Variants in IPMK observed in about 807,000 individuals in gnomAD.
IPMK encodes the protein inositol 1,3,4,6-tetrakisphosphate 5-kinase.
Under a neutral mutation model 45.8 loss-of-function variants are expected in IPMK, and 17 were observed. The observed-to-expected ratio is 0.37, with a 90% CI of 0.25 to 0.56. The LOEUF (loss-of-function observed/expected upper bound fraction) is 0.56, where lower values mean the gene tolerates loss of function less well. IPMK is among the 20% of genes least tolerant of loss of function. The pLI is 0.79. For missense variants in IPMK, 399 were observed against 498.0 expected, an observed-to-expected ratio of 0.80 and a Z score of 1.89; for synonymous variants, 180 against 184.3, an observed-to-expected ratio of 0.98 and a Z score of 0.19.
chr10:58,214,676 T>A (rs1415388673), intron 4 of IPMK, among the ~76,000 whole-genome samples: 1 of 152,224 alleles, frequency 6.6e-6, no homozygotes, highest in African/African-American at 2.4e-5. Context: ...AGCTCTTCTG[T>A]TTAAAACTCA....
intron 2 of IPMK, among the ~76,000 whole-genome samples, chr10:58,228,155 T>G (rs1030935160): frequency 6.6e-6 from 1 of 152,198 alleles, no homozygotes; most frequent in African/African-American, 2.4e-5. Context: ...TGAACGTCCC[T>G]CTATTCCTAG....
At chr10:58,264,725 TTAAA>T (rs1485973223) in intron 1 of IPMK, among the ~76,000 whole-genome samples, 10 of 152,288 alleles carry the variant, frequency 6.6e-5, no homozygotes, top group African/African-American at 2.4e-4. Context: ...ACAGAAATAG[TTAAA>T]TAAATTGTGA....
intron 1 of IPMK, among the ~76,000 whole-genome samples, chr10:58,260,015 C>T (rs1293030102): frequency 1.3e-5 from 2 of 152,016 alleles, no homozygotes; most frequent in South Asian, 2.1e-4. Flanking sequence ...ACAGCAAAAA[C>T]GATAACTTTC....
At chr10:58,254,385 T>C (rs1430094732) in intron 1 of IPMK, among the ~76,000 whole-genome samples, 1 of 152,210 alleles carries the variant, frequency 6.6e-6, no homozygotes, top group Non-Finnish European at 1.5e-5. Flanking sequence ...TCTCTCTTTT[T>C]TAAAAAATCA....
chr10:58,262,915 G>A (rs2790165), intron 1 of IPMK, among the ~76,000 whole-genome samples: 51,453 of 152,052 alleles, frequency 0.34, 10,949 homozygotes, highest in African/African-American at 0.61. Flanking sequence ...AAAGCAGAGG[G>A]AGTGAAAGAA....
In IPMK at chr10:58,267,615, G is replaced by C; in HGVS notation, c.-4C>G. The C allele has an allele frequency of 6.3e-7, 1 of 1,587,742 alleles. No homozygotes were observed. The highest frequency in any genetic ancestry group is 1.1e-5 in the South Asian group (1 of 88,868). On this transcript the variant is annotated 5_prime_UTR_variant, in exon 1 of 6. Coordinates refer to ENST00000373935, the MANE Select transcript of IPMK (RefSeq NM_152230.5). ...GGGATGGTGGCTCTGTTGCCATAAC[G>C]GAGAGCAGAAGCGGTAACGGCAGCG...
At chr10:58,238,207 C>A (rs972958191) in intron 1 of IPMK, among the ~76,000 whole-genome samples, 3 of 152,200 alleles carry the variant, frequency 2.0e-5, no homozygotes, top group Non-Finnish European at 4.4e-5. Flanking sequence ...CAGAAAAGAA[C>A]ATATGTGTTA....
intron 1 of IPMK, among the ~76,000 whole-genome samples, chr10:58,247,161 A>G (rs61873883): frequency 0.29 from 39,578 of 136,608 alleles, 7,729 homozygotes; most frequent in African/African-American, 0.53. Flanking sequence ...AACAACAGGT[A>G]CTGGAGAGGA....
Position 58,191,656 on chromosome 10 carries a change from C to T in IPMK, c.*4420G>A, listed in dbSNP as rs758855539. The T allele has an allele frequency of 6.6e-6, 1 of 151,958 alleles. No homozygotes were observed. The highest frequency in any genetic ancestry group is 2.1e-4 in the South Asian group (1 of 4,814). 9.4% of individuals were successfully genotyped at this position (151,958 alleles called of 1,614,324 possible). A position where few individuals can be genotyped will look rare whatever the true frequency, so the allele number is the denominator to read the frequency against. Reference sequence around the variant, plus strand: ...AATCACACATTGACAATAACCCCTGCAGTCCAAGTATACCCCCACAATAGT... The same window carrying T: ...AATCACACATTGACAATAACCCCTGTAGTCCAAGTATACCCCCACAATAGT... On this transcript the variant is annotated 3_prime_UTR_variant, in exon 6 of 6. Coordinates refer to ENST00000373935, the MANE Select transcript of IPMK (RefSeq NM_152230.5).
At chr10:58,244,049 T>G (rs573972163) in intron 1 of IPMK, among the ~76,000 whole-genome samples, 5 of 150,636 alleles carry the variant, frequency 3.3e-5, no homozygotes, top group Non-Finnish European at 7.4e-5. Context: ...GGGGCACCTC[T>G]GCCCGGCCGC....
At chr10:58,221,485 A>C (rs1220021135) in intron 3 of IPMK, among the ~76,000 whole-genome samples, 2 of 152,244 alleles carry the variant, frequency 1.3e-5, no homozygotes, top group Non-Finnish European at 2.9e-5. Context: ...AACATAAAAA[A>C]GATGACAGCA....
At chr10:58,220,527 C>T (rs1322466779) in intron 3 of IPMK, among the ~76,000 whole-genome samples, 3 of 152,162 alleles carry the variant, frequency 2.0e-5, no homozygotes, top group African/African-American at 4.8e-5. Flanking sequence ...AGGAGCACTT[C>T]TCAAAACCTC....
chr10:58,194,988 G>A lies in IPMK; in HGVS notation c.*1088C>T, dbSNP rs1408137179. ...CATAATATAAAACTGTTTTGAGGAA[G>A]AGTGAAATAGAAGCATGAATATAGA... On this transcript the variant is annotated 3_prime_UTR_variant, in exon 6 of 6. Coordinates refer to ENST00000373935, the MANE Select transcript of IPMK (RefSeq NM_152230.5). 6.6e-6 allele frequency: 1 copy of A among 151,932 alleles called. No homozygotes were observed. Among genetic ancestry groups the A allele is most frequent in the Admixed American group, 6.6e-5 (1 of 15,264 alleles). 9.4% of individuals were successfully genotyped at this position (151,932 alleles called of 1,614,324 possible).
intron 1 of IPMK, among the ~76,000 whole-genome samples, chr10:58,251,801 C>G (rs1564539752): frequency 6.6e-6 from 1 of 152,194 alleles, no homozygotes; most frequent in South Asian, 2.1e-4. Flanking sequence ...CATAGCTACT[C>G]CAGCTCTCTT....
Position 58,193,380 on chromosome 10 carries a change from A to C in IPMK, c.*2696T>G, listed in dbSNP as rs1270675302. 1 of 151,886 alleles carries C rather than the reference A, an allele frequency of 6.6e-6. No homozygotes were observed. The highest frequency in any genetic ancestry group is 1.9e-4 in the East Asian group (1 of 5,198). The allele number at this position is 151,886 out of a possible 1,614,324, so 9.4% of individuals were successfully genotyped here. On this transcript the variant is annotated 3_prime_UTR_variant, in exon 6 of 6. Coordinates refer to ENST00000373935, the MANE Select transcript of IPMK (RefSeq NM_152230.5). Reference sequence around the variant, plus strand: ...CTTTCCAGACACACAACTAATAATGAATACTGAGTTGAAATACCACAAGCT... The same window carrying C: ...CTTTCCAGACACACAACTAATAATGCATACTGAGTTGAAATACCACAAGCT...
chr10:58,263,606 G>A (rs980055162), intron 1 of IPMK, among the ~76,000 whole-genome samples: 1 of 151,984 alleles, frequency 6.6e-6, no homozygotes, highest in Non-Finnish European at 1.5e-5. Context: ...GATTGCTTGA[G>A]CCCTGAAGTT....
At chr10:58,262,256 A>G (rs1231946308) in intron 1 of IPMK, among the ~76,000 whole-genome samples, 1 of 152,184 alleles carries the variant, frequency 6.6e-6, no homozygotes, top group African/African-American at 2.4e-5. Context: ...ATAAATAAAA[A>G]AATCTCATCC....
intron 1 of IPMK, among the ~76,000 whole-genome samples, chr10:58,255,558 T>C (rs1838952755): frequency 6.6e-6 from 1 of 152,166 alleles, no homozygotes; most frequent in Non-Finnish European, 1.5e-5. Context: ...CTTTGAATGG[T>C]TTCTAATTGT....
rs189826925 is a variant in IPMK at position 58,262,462 on chromosome 10, A to G, written c.190+4960T>C. ...TAAATGAAATTTGAAATATGAAATTATAATTTCTAAAATATTTATACATAC... is the reference window on the plus strand; with the variant it reads ...TAAATGAAATTTGAAATATGAAATTGTAATTTCTAAAATATTTATACATAC... On this transcript the variant is annotated intron_variant, in intron 1 of 5. Coordinates refer to ENST00000373935, the MANE Select transcript of IPMK (RefSeq NM_152230.5). Among the ~76,000 whole-genome samples the G allele has an allele frequency of 2.8e-4, 42 of 152,370 alleles. 1 individual carries two copies. Among genetic ancestry groups the G allele is most frequent in the Non-Finnish European group, 8.8e-5 (6 of 68,032 alleles).
Sources: gnomAD v4.1 joint callset for allele counts (sites outside exome capture counted in the v4.1 genomes callset) on GRCh38, gnomAD v4.1.1 for gene constraint, MANE v1.5 for transcripts, NCBI Gene and HGNC (gene_info 2026-07-23, HGNC 2026-07-21) for gene names.